The following CHIC1 variants were observed in gnomAD, a reference collection of about 807,000 sequenced individuals.
CHIC1 encodes cysteine rich hydrophobic domain 1.
A neutral mutation model predicts 18.5 loss-of-function variants in CHIC1; 7 were observed. That is an observed-to-expected ratio of 0.38 (90% CI 0.22 to 0.71). CHIC1 has a LOEUF of 0.71. Among genes scored for constraint, CHIC1 ranks in the 30% least tolerant of loss-of-function variants. The pLI is 0.49. For missense variants in CHIC1, 159 were observed against 176.9 expected (o/e 0.90, Z 0.57); for synonymous variants, 77 against 73.5 (o/e 1.05, Z -0.25).
intron 3 of CHIC1, among the ~76,000 whole-genome samples, chrX:73,645,884 C>G (rs2057886879): frequency 9.0e-6 from 1 of 111,560 alleles, no homozygotes; most frequent in Non-Finnish European, 1.9e-5. Context: ...CTTTGCAAAG[C>G]AAAGGAAATA....
chrX:73,674,830 G>A (rs2058052924), intron 3 of CHIC1, among the ~76,000 whole-genome samples: 1 of 110,986 alleles, frequency 9.0e-6, no homozygotes, highest in African/African-American at 3.3e-5. Flanking sequence ...TGATGTTAGG[G>A]TGTCAATTTT....
chrX:73,607,134 A>T (rs187142699), intron 3 of CHIC1, among the ~76,000 whole-genome samples: 1 of 108,909 alleles, frequency 9.2e-6, no homozygotes, highest in Non-Finnish European at 1.9e-5. Context: ...TTTTATCTAT[A>T]AGTCTTTGAC....
Position 73,682,107 on chromosome X carries a change from G to A in CHIC1, c.*1102G>A, listed in dbSNP as rs776150516. The A allele has an allele frequency of 7.2e-5, 8 of 111,381 alleles. No homozygotes were observed. Among genetic ancestry groups the A allele is most frequent in the Admixed American group, 3.8e-4 (4 of 10,464 alleles). 9.2% of individuals were successfully genotyped at this position (111,381 alleles called of 1,213,427 possible). A position where few individuals can be genotyped will look rare whatever the true frequency, so the allele number is the denominator to read the frequency against. ...GTTTGAGAAAGAGAGAGAACTATTT[G>A]AGAAGCTGTAGCTAAAGAGTATATA... On this transcript the variant is annotated 3_prime_UTR_variant, in exon 6 of 6. Transcript: ENST00000373502.
intron 3 of CHIC1, among the ~76,000 whole-genome samples, chrX:73,639,294 G>T (rs1253561990): frequency 2.7e-5 from 3 of 111,315 alleles, no homozygotes; most frequent in African/African-American, 9.8e-5. Context: ...GATTTTTTAT[G>T]TGTTGCTTGG....
rs964930265 is a variant in CHIC1, at chrX:73,679,710, G to A, written c.621G>A (p.Glu207=). ...KRKCETSNMM[E]YVILIEFLPK... Reference sequence around the variant, plus strand: ...AATGTGAAACTAGCAATATGATGGAGTATGTAAGTATGAGGTTGTTTTTAA... The same window carrying A: ...AATGTGAAACTAGCAATATGATGGAATATGTAAGTATGAGGTTGTTTTTAA... The change falls in exon 5 of 6, where the codon GAG becomes GAA. Residue 207 remains glutamate (E), a synonymous_variant. Coordinates refer to ENST00000373502, the MANE Select transcript of CHIC1 (RefSeq NM_001039840.4). 2 of 1,024,898 alleles carry A rather than the reference G, an allele frequency of 2.0e-6. No homozygotes were observed. Among genetic ancestry groups the A allele is most frequent in the South Asian group, 2.6e-5 (1 of 39,119 alleles). 84.5% of individuals were successfully genotyped at this position (1,024,898 alleles called of 1,213,427 possible).
chrX:73,576,901 T>G (rs2057501960), intron 1 of CHIC1, among the ~76,000 whole-genome samples: 1 of 110,731 alleles, frequency 9.0e-6, no homozygotes, highest in Admixed American at 9.6e-5. Flanking sequence ...AAACTTTGAG[T>G]ATCTGAATAG....
intron 3 of CHIC1, among the ~76,000 whole-genome samples, chrX:73,667,990 G>T (rs1005000632): frequency 1.8e-5 from 2 of 111,539 alleles, no homozygotes; most frequent in African/African-American, 6.5e-5. Flanking sequence ...GTTTCTTTCA[G>T]GTACCCCAAT....
chrX:73,607,850 G>T (rs1010846137), intron 3 of CHIC1, among the ~76,000 whole-genome samples: 1 of 107,534 alleles, frequency 9.3e-6, no homozygotes, highest in Non-Finnish European at 1.9e-5. Flanking sequence ...GAGATGAGCC[G>T]GGTACTTTAG....
At chrX:73,675,195 A>T (rs1312967619) in intron 3 of CHIC1, among the ~76,000 whole-genome samples, 1 of 111,510 alleles carries the variant, frequency 9.0e-6, no homozygotes, top group African/African-American at 3.3e-5. Context: ...TGCTGAAAAG[A>T]ATGTATATTC....
In CHIC1 at chrX:73,680,999, T is replaced by C. The variant is rs1244181811; in HGVS notation, c.669T>C (p.Pro223=). 9.0e-7 allele frequency: 1 copy of C among 1,111,132 alleles called. No homozygotes were observed. The highest frequency in any genetic ancestry group is 2.7e-5 in the Admixed American group (1 of 37,312). 91.6% of individuals were successfully genotyped at this position (1,111,132 alleles called of 1,213,427 possible). ...TACCAAAATATCCCATATTCCGACCTGACTGAGGAGTTTTATCCAGTCACT... is the reference window on the plus strand; with the variant it reads ...TACCAAAATATCCCATATTCCGACCCGACTGAGGAGTTTTATCCAGTCACT... The part of the protein sequence containing the change: ...EFLPKYPIFR[P]D The change falls in exon 6 of 6, where the codon CCT becomes CCC. Residue 223 remains proline (P), a synonymous_variant. Transcript: ENST00000373502.
intron 3 of CHIC1, among the ~76,000 whole-genome samples, chrX:73,668,223 C>T (rs1343460949): frequency 8.9e-6 from 1 of 112,018 alleles, no homozygotes; most frequent in Non-Finnish European, 1.9e-5. Context: ...CAGTTATTTT[C>T]CTCTCTAAAC....
chrX:73,671,159 A>G (rs898245788), intron 3 of CHIC1, among the ~76,000 whole-genome samples: 1 of 111,107 alleles, frequency 9.0e-6, no homozygotes, highest in African/African-American at 3.3e-5. Flanking sequence ...CTGCTGAGAA[A>G]TCTCCTGTTA....
chrX:73,660,750 C>T (rs1005300763), intron 3 of CHIC1, among the ~76,000 whole-genome samples: 9 of 111,014 alleles, frequency 8.1e-5, no homozygotes, highest in Admixed American at 2.9e-4. Flanking sequence ...TTTGATGCAT[C>T]GTGCTGGAAT....
intron 3 of CHIC1, among the ~76,000 whole-genome samples, chrX:73,625,076 A>G (rs765528812): frequency 9.0e-6 from 1 of 110,889 alleles, no homozygotes; most frequent in South Asian, 3.9e-4. Context: ...TGCTACATCA[A>G]AGCCCTTGGG....
At chrX:73,635,214 A>G (rs901557764) in intron 3 of CHIC1, among the ~76,000 whole-genome samples, 4 of 111,778 alleles carry the variant, frequency 3.6e-5, no homozygotes, top group African/African-American at 1.3e-4. Context: ...TCATTCTTGC[A>G]TTGCAGGAAT....
chrX:73,679,810 T>C, intron 5 of CHIC1, 97 bp downstream of exon 5: 1 of 442,940 alleles, frequency 2.3e-6, no homozygotes, highest in Non-Finnish European at 3.5e-6. Flanking sequence ...TTTTTTCTCC[T>C]CAGCCAGAAC....
At chrX:73,662,901 G>A (rs184571240) in intron 3 of CHIC1, among the ~76,000 whole-genome samples, 87 of 111,691 alleles carry the variant, frequency 7.8e-4, no homozygotes, top group African/African-American at 2.6e-3. Context: ...TTCCATTGGG[G>A]ATCAAAGCTT....
chrX:73,612,100 C>G (rs1302055994), intron 3 of CHIC1, among the ~76,000 whole-genome samples: 1 of 110,259 alleles, frequency 9.1e-6, no homozygotes, highest in Non-Finnish European at 1.9e-5. Flanking sequence ...TTGCCCATGC[C>G]TATGTCCTGA....
At chrX:73,678,361 A>T (rs759889021) in intron 3 of CHIC1, among the ~76,000 whole-genome samples, 1 of 112,314 alleles carries the variant, frequency 8.9e-6, no homozygotes, top group Non-Finnish European at 1.9e-5. Context: ...TCTTTGGACC[A>T]TGGGTGGGCC....
Sources: allele counts gnomAD v4.1 joint callset (sites outside exome capture counted in the v4.1 genomes callset), GRCh38; gene constraint gnomAD v4.1.1; transcripts MANE v1.5; gene names NCBI Gene and HGNC (gene_info 2026-07-23, HGNC 2026-07-21).